The following PTK2B variants were observed in gnomAD, a reference collection of about 807,000 sequenced individuals.
PTK2B encodes the protein protein-tyrosine kinase 2-beta.
A neutral mutation model predicts 142.9 loss-of-function variants in PTK2B; 71 were observed. That is an observed-to-expected ratio of 0.50 (90% CI 0.41 to 0.61). PTK2B has a LOEUF of 0.61. PTK2B is among the 20% of genes least tolerant of loss of function. The probability of loss-of-function intolerance (pLI) is 0.00; values close to 1 mark genes in which losing one functional copy is unlikely to be tolerated. For synonymous variants in PTK2B, 519 were observed against 503.4 expected (o/e 1.03, Z -0.42); for missense variants, 1,105 against 1,320.4 (o/e 0.84, Z 2.53).
At chr8:27,320,784 A>C (rs1223288780), upstream of PTK2B, among the ~76,000 whole-genome samples, 1 of 151,960 alleles carries the variant, frequency 6.6e-6, no homozygotes, top group Admixed American at 6.6e-5. Flanking sequence ...TTATGTAGGC[A>C]TGACTGATTA....
chr8:27,316,397 A>G (rs1001553380), intron 3 of PTK2B, among the ~76,000 whole-genome samples: 9 of 152,168 alleles, frequency 5.9e-5, no homozygotes, highest in Non-Finnish European at 1.0e-4. Context: ...TATGCTGGCT[A>G]TAAGGAACTT....
Position 27,431,479 on chromosome 8 carries a change from A to G in PTK2B, c.885+7A>G. On this transcript the variant is annotated splice_region_variant and intron_variant, in intron 9 of 30. Coordinates refer to ENST00000346049, the MANE Select transcript of PTK2B (RefSeq NM_173176.3). Reference sequence around the variant, plus strand: ...GACTAGTCAGGACGCAAAGGTAGAGAGACCCGGGGCAGCCCCACCCAGCCC... The same window carrying G: ...GACTAGTCAGGACGCAAAGGTAGAGGGACCCGGGGCAGCCCCACCCAGCCC... 6.2e-7 allele frequency: 1 copy of G among 1,613,938 alleles called. No homozygotes were observed. The highest frequency in any genetic ancestry group is 8.5e-7 in the Non-Finnish European group (1 of 1,180,028).
intron 1 of PTK2B, among the ~76,000 whole-genome samples, chr8:27,337,297 G>A (rs546302264): frequency 5.1e-4 from 78 of 152,192 alleles, no homozygotes; most frequent in African/African-American, 1.5e-3. Flanking sequence ...CATCATGCCT[G>A]GCTAGTTTTT....
Position 27,410,233 on chromosome 8 carries a change from G to A in PTK2B, c.205-9662G>A, listed in dbSNP as rs190042819. Among the ~76,000 whole-genome samples the A allele has an allele frequency of 3.8e-3, 577 of 152,340 alleles. 1 individual carries two copies. Among genetic ancestry groups the A allele is most frequent in the Non-Finnish European group, 6.5e-3 (440 of 68,036 alleles). ...GTGGGAGGCTTGCATTGGAGGAAGC[G>A]TGTTGATGGGAGCTCCCAAGGCACA... On this transcript the variant is annotated intron_variant, in intron 2 of 30. Coordinates refer to ENST00000346049, the MANE Select transcript of PTK2B (RefSeq NM_173176.3).
intron 1 of PTK2B, among the ~76,000 whole-genome samples, chr8:27,390,576 G>A (rs898157109): frequency 2.0e-5 from 3 of 152,116 alleles, no homozygotes; most frequent in Admixed American, 6.5e-5. Context: ...AGGAGTTTGA[G>A]GCTGTAGTAA....
Position 27,439,329 on chromosome 8 carries a change from A to G in PTK2B, c.1765A>G (p.Ile589Val), listed in dbSNP as rs775506133. Residue 589 changes from isoleucine (I) to valine (V), a missense_variant, in exon 20 of 31, where the codon ATC becomes GTC. Transcript: ENST00000346049. The part of the protein sequence containing the change: ...YYKASVTRLP[I>V]KWMSPESINF... The stretch of plus-strand genomic sequence containing the variant: ...CAAAGCCTCTGTGACTCGTCTCCCC[A>G]TCAAATGGATGTCCCCAGAGTCCAT... 5.5e-5 allele frequency: 89 copies of G among 1,613,948 alleles called. No individual in the cohort carries two copies. Among genetic ancestry groups the G allele is most frequent in the Non-Finnish European group, 7.3e-5 (86 of 1,179,914 alleles).
chr8:27,434,421 AG>A, intron 12 of PTK2B, 91 bp from the exon 13 acceptor site: 1 of 1,360,324 alleles, frequency 7.4e-7, no homozygotes. Flanking sequence ...ACTTCTCCAC[AG>A]GGGGCAGGAG....
chr8:27,348,267 G>A (rs74818277), intron 1 of PTK2B, among the ~76,000 whole-genome samples: 1,640 of 152,308 alleles, frequency 0.011, 40 homozygotes, highest in African/African-American at 0.037. Context: ...CCTGTGTTAC[G>A]AATACTCAAA....
At chr8:27,314,438 C>T (rs1463967418) in intron 3 of PTK2B, among the ~76,000 whole-genome samples, 2 of 152,162 alleles carry the variant, frequency 1.3e-5, no homozygotes, top group Non-Finnish European at 2.9e-5. Flanking sequence ...ACAACGGGCG[C>T]GTGTGGTGGT....
At position 27,437,808 on chromosome 8, in the gene PTK2B, T is replaced by C; in HGVS notation, c.1571T>C (p.Leu524Pro). The C allele has an allele frequency of 6.2e-7, 1 of 1,613,594 alleles. No homozygotes were observed. Among genetic ancestry groups the C allele is most frequent in the Non-Finnish European group, 8.5e-7 (1 of 1,179,876 alleles). ...CGGAACAAGAACTCCCTGAAGGTGC[T>C]CACCCTCGTGCTGTACTCACTGCAG... ...LERNKNSLKV[L>P]TLVLYSLQIC... is the part of the protein sequence containing the mutation. Residue 524 changes from leucine (L) to proline (P), a missense_variant, in exon 18 of 31, where the codon CTC becomes CCC. Coordinates refer to ENST00000346049, the MANE Select transcript of PTK2B (RefSeq NM_173176.3).
In PTK2B at chr8:27,363,282, A is replaced by G. The variant is rs932559871; in HGVS notation, c.-37-34266A>G. Among the ~76,000 whole-genome samples the G allele has an allele frequency of 5.9e-5, 9 of 152,196 alleles. No individual in the cohort carries two copies. Among genetic ancestry groups the G allele is most frequent in the Non-Finnish European group, 1.2e-4 (8 of 68,032 alleles). ...GAGAAGTGTTTGGAGGAACTGAGGC[A>G]GGTCCAGGGAAGGCCTGGGAGAGCA... On this transcript the variant is annotated intron_variant, in intron 1 of 30. Coordinates refer to ENST00000346049, the MANE Select transcript of PTK2B (RefSeq NM_173176.3). The surrounding 1 kb of genome is among the most constrained non-coding windows in gnomAD (Gnocchi z 4.3).
chr8:27,412,025 G>T (rs1323473963), intron 2 of PTK2B, among the ~76,000 whole-genome samples: 1 of 152,186 alleles, frequency 6.6e-6, no homozygotes, highest in Non-Finnish European at 1.5e-5. Flanking sequence ...AGGTCTGAGG[G>T]ACCCCAAACA....
At chr8:27,417,759 G>C (rs1253158947) in intron 2 of PTK2B, among the ~76,000 whole-genome samples, 8 of 152,080 alleles carry the variant, frequency 5.3e-5, no homozygotes, top group Non-Finnish European at 8.8e-5. Flanking sequence ...TGAGATTTTT[G>C]ATAATCAACA....
At position 27,422,331 on chromosome 8, in the gene PTK2B, G is replaced by A. The variant is rs375270527; in HGVS notation, c.499G>A (p.Ala167Thr). ...QLRNDYMQRY[A>T]SKVSEGMALQ... ...CCGGAACGACTACATGCAGCGCTAC[G>A]CCAGCAAGGTCAGCGAGGGCATGGC... The change falls in exon 5 of 31, where the codon GCC becomes ACC. Residue 167 changes from alanine to threonine, a missense_variant. By Grantham distance (58) the Ala-to-Thr change is moderately conservative. Transcript: ENST00000346049. The A allele has an allele frequency of 2.5e-6, 4 of 1,613,610 alleles. No homozygotes were observed. The highest frequency in any genetic ancestry group is 2.2e-5 in the East Asian group (1 of 44,860).
chr8:27,325,450 GCA>G (rs1449179393), upstream of PTK2B: 1 of 152,288 alleles, frequency 6.6e-6, no homozygotes, highest in African/African-American at 2.4e-5. Context: ...GCTGGAGCCG[GCA>G]CACACAGACA....
At chr8:27,329,329 C>G (rs112048175) in intron 1 of PTK2B, among the ~76,000 whole-genome samples, 2 of 152,196 alleles carry the variant, frequency 1.3e-5, no homozygotes, top group Non-Finnish European at 2.9e-5. Flanking sequence ...GGCCATGTTT[C>G]ATCGTGCAGA....
At chr8:27,310,601 C>T (rs975219040), upstream of PTK2B, among the ~76,000 whole-genome samples, 1 of 152,260 alleles carries the variant, frequency 6.6e-6, no homozygotes, top group Non-Finnish European at 1.5e-5. Context: ...GCATTCTCTT[C>T]TCCCAGCACG....
At chr8:27,431,813 G>A (rs1236298222) in intron 9 of PTK2B, among the ~76,000 whole-genome samples, 1 of 152,204 alleles carries the variant, frequency 6.6e-6, no homozygotes, top group Non-Finnish European at 1.5e-5. Flanking sequence ...GTCCAGTCCT[G>A]GCTCCACTGC....
At chr8:27,345,120 G>T (rs949450269) in intron 1 of PTK2B, among the ~76,000 whole-genome samples, 12 of 152,176 alleles carry the variant, frequency 7.9e-5, no homozygotes, top group Admixed American at 7.9e-4. Context: ...CCAAGATGGC[G>T]CCACTGCACT....
Sources: allele counts gnomAD v4.1 joint callset (sites outside exome capture counted in the v4.1 genomes callset), GRCh38; gene constraint gnomAD v4.1.1; non-coding constraint Gnocchi (gnomAD v3.1); transcripts MANE v1.5; gene names NCBI Gene and HGNC (gene_info 2026-07-23, HGNC 2026-07-21).